MICALL2: variants seen among roughly 807,000 people sequenced by gnomAD.
The protein encoded by MICALL2 is MICAL like 2, also known as MICAL-like protein 2.
In MICALL2, 111 loss-of-function variants were observed where a neutral mutation model predicts 91.1. The observed-to-expected ratio is 1.22, with a 90% CI of 1.04 to 1.43. MICALL2 has a LOEUF of 1.43. Among genes scored for constraint, MICALL2 ranks in the 40% most tolerant of loss-of-function variants. MICALL2 has a pLI of 0.00. For synonymous variants in MICALL2, 694 were observed against 525.3 expected, an observed-to-expected ratio of 1.32 and a Z score of -4.39; for missense variants, 1,556 against 1,236.0, an observed-to-expected ratio of 1.26 and a Z score of -3.88.
chr7:1,440,431 GC>G (rs945322420), intron 8 of MICALL2, 159 bp downstream of exon 8: 2 of 694,390 alleles, frequency 2.9e-6, no homozygotes, highest in Admixed American at 2.4e-5. Context: ...AGGGACAGCG[GC>G]CCCCATGTCC....
At chr7:1,443,419 C>T (rs1427060094) in intron 6 of MICALL2, among the ~76,000 whole-genome samples, 3 of 152,164 alleles carry the variant, frequency 2.0e-5, no homozygotes, top group South Asian at 2.1e-4. Flanking sequence ...GGGCAGGAAA[C>T]GGCGTTGTCA....
At position 1,440,031 on chromosome 7, in the gene MICALL2, G is replaced by A. The variant is rs1047776502; in HGVS notation, c.1860C>T (p.Ala620=). ...RALAEPRAGE[A]PRKVSGSFAG... ...CAAAGCTGCCTGAGACCTTCCTGGG[G>A]GCCTCCCCCGCCCTCGGCTCTGCCA... Residue 620 remains alanine (A), a synonymous_variant, in exon 9 of 17, where the codon GCC becomes GCT. Transcript: ENST00000297508. 2 of 1,578,278 alleles carry A rather than the reference G, an allele frequency of 1.3e-6. No individual in the cohort carries two copies. Among genetic ancestry groups the A allele is most frequent in the East Asian group, 4.8e-5 (2 of 41,936 alleles).
chr7:1,459,360 C>A lies in MICALL2; in HGVS notation c.-34G>T. 1 of 1,456,430 alleles carries A rather than the reference C, an allele frequency of 6.9e-7. No homozygotes were observed. 90.2% of individuals were successfully genotyped at this position (1,456,430 alleles called of 1,614,324 possible). On this transcript the variant is annotated 5_prime_UTR_variant, in exon 1 of 17. Coordinates refer to ENST00000297508, the MANE Select transcript of MICALL2 (RefSeq NM_182924.4). ...CGCGCCCGCCGCGCGGCGGAACCGC[C>A]CTCCGACACCTTCCCGCGGCTGTGC...
In MICALL2 at chr7:1,434,512, G is replaced by C. The variant is rs772957776; in HGVS notation, c.*84C>G. ...AGCCCACGGCCCCGAGTACAAGTCC[G>C]GGTTCCGGGTCCGGGCCAAGCCCAT... On this transcript the variant is annotated 3_prime_UTR_variant, in exon 17 of 17. Coordinates refer to ENST00000297508, the MANE Select transcript of MICALL2 (RefSeq NM_182924.4). 8.0e-7 allele frequency: 1 copy of C among 1,245,456 alleles called. No homozygotes were observed. The highest frequency in any genetic ancestry group is 1.8e-4 in the Middle Eastern group (1 of 5,426). 77.2% of individuals were successfully genotyped at this position (1,245,456 alleles called of 1,614,324 possible). A position where few individuals can be genotyped will look rare whatever the true frequency, so the allele number is the denominator to read the frequency against.
rs999968622 is a variant in MICALL2 at position 1,446,139 on chromosome 7, G to C, written c.641+574C>G. On this transcript the variant is annotated intron_variant, in intron 5 of 16. Transcript: ENST00000297508. ...CATCTTGGGCTATCAGCAACAGAGC[G>C]GGGGGTGGGGAAGAGGGTGAGGAGG... 2.6e-3 allele frequency among the ~76,000 whole-genome samples: 309 copies of C among 118,790 alleles called. 2 individuals are homozygous for C. The highest frequency in any genetic ancestry group is 9.8e-3 in the African/African-American group (280 of 28,470). The allele number at this position is 118,790 out of a possible 152,430, so 77.9% of individuals were successfully genotyped here.
At chr7:1,442,092 G>T in intron 7 of MICALL2, 100 bp downstream of exon 7, 1 of 1,326,946 alleles carries the variant, frequency 7.5e-7, no homozygotes, top group Non-Finnish European at 1.0e-6. Context: ...GAAGGCGGGC[G>T]GGGCTGATGA....
chr7:1,440,848 CAG>C (rs1780247143), intron 7 of MICALL2, 164 bp from the exon 8 acceptor site: 2 of 619,722 alleles, frequency 3.2e-6, no homozygotes, highest in African/African-American at 1.8e-5. Flanking sequence ...GGCAGGGAGT[CAG>C]GGGAGGGGCT....
chr7:1,454,042 A>G (rs2128525766), intron 1 of MICALL2, among the ~76,000 whole-genome samples: 1 of 152,176 alleles, frequency 6.6e-6, no homozygotes, highest in South Asian at 2.1e-4. Flanking sequence ...ACTTCAGCCC[A>G]TGGAGTCCAG....
intron 15 of MICALL2, among the ~76,000 whole-genome samples, chr7:1,436,269 C>G (rs1256744229): frequency 6.6e-6 from 1 of 151,820 alleles, no homozygotes; most frequent in Non-Finnish European, 1.5e-5. Flanking sequence ...TGCGAGCTTG[C>G]TACTCAGGAG....
At position 1,437,893 on chromosome 7, in the gene MICALL2, T is replaced by G. The variant is rs1007853427; in HGVS notation, c.2399A>C (p.Tyr800Ser). The G allele has an allele frequency of 6.5e-7, 1 of 1,548,770 alleles. No individual in the cohort carries two copies. The highest frequency in any genetic ancestry group is 1.4e-5 in the African/African-American group (1 of 72,990). The change falls in exon 13 of 17, where the codon TAC (tyrosine) becomes TCC (serine). Residue 800 changes from tyrosine (Y) to serine (S), a missense_variant. By Grantham distance (144) the Tyr-to-Ser change is moderately radical. Transcript: ENST00000297508. ...GGGCCCACGGCTGGGCTCTCACTTG[T>G]ACATCAGCTCTGACTCCTGTCTCAG... ...LLLRQESELM[Y>S]KSKAQRLEEQ...
At chr7:1,435,616 G>A (rs1364320659) in intron 15 of MICALL2, among the ~76,000 whole-genome samples, 1 of 152,252 alleles carries the variant, frequency 6.6e-6, no homozygotes, top group Non-Finnish European at 1.5e-5. Flanking sequence ...CTCCCAGAGG[G>A]TCTCATAGAG....
chr7:1,438,076 GGGCCAGGCCGAGGCGCTCACCTCCCTC>G lies in MICALL2; in HGVS notation c.2305_2311+20del. 6.4e-7 allele frequency: 1 copy of G among 1,571,028 alleles called. No individual in the cohort carries two copies. Among genetic ancestry groups the G allele is most frequent in the Non-Finnish European group, 8.6e-7 (1 of 1,159,628 alleles). ...TGTCTGTGGGAGTCGGGCTGGCCCAGGGCCAGGCCGAGGCGCTCACCTCCCTCGGCCGCCCGCAGTCGCTTCTCCAGC... is the reference window on the plus strand; with the variant it reads ...TGTCTGTGGGAGTCGGGCTGGCCCAGGGCCGCCCGCAGTCGCTTCTCCAGC... On this transcript the variant is annotated splice_donor_variant and splice_donor_5th_base_variant and coding_sequence_variant and intron_variant, in exon 12 of 17. Transcript: ENST00000297508. LOFTEE classifies it high-confidence loss of function.
Position 1,445,197 on chromosome 7 carries a change from C to T in MICALL2, c.873G>A (p.Ala291=), listed in dbSNP as rs1292092392. 1.0e-5 allele frequency: 16 copies of T among 1,597,918 alleles called. No individual in the cohort carries two copies. The highest frequency in any genetic ancestry group is 3.4e-5 in the South Asian group (3 of 88,830). ...CGGAAGCCCTGGCAGGCGAGTTGCCCGCAGCAGGCTCCCAGGCCGACGGTC... is the reference window on the plus strand; with the variant it reads ...CGGAAGCCCTGGCAGGCGAGTTGCCTGCAGCAGGCTCCCAGGCCGACGGTC... ...KARPSAWEPA[A]GNSPARASVP... is the part of the protein sequence containing the mutation. The change falls in exon 6 of 17, where the codon GCG becomes GCA. Residue 291 remains alanine, a synonymous_variant. Transcript: ENST00000297508.
In MICALL2 at chr7:1,437,623, C is replaced by T. The variant is rs1200491302; in HGVS notation, c.2403-15G>A. ...GGGCCTTGGACCTGCCGCACAGACACGCGTCTGAGGCCTGACTCTGCCGCC... is the reference window on the plus strand; with the variant it reads ...GGGCCTTGGACCTGCCGCACAGACATGCGTCTGAGGCCTGACTCTGCCGCC... On this transcript the variant is annotated splice_polypyrimidine_tract_variant and intron_variant, in intron 13 of 16. Coordinates refer to ENST00000297508, the MANE Select transcript of MICALL2 (RefSeq NM_182924.4). 1.6e-5 allele frequency: 25 copies of T among 1,538,282 alleles called. No homozygotes were observed. Among genetic ancestry groups the T allele is most frequent in the Admixed American group, 2.0e-5 (1 of 50,864 alleles).
intron 6 of MICALL2, 84 bp downstream of exon 6, chr7:1,444,568 G>A (rs981554186): frequency 1.0e-4 from 136 of 1,345,120 alleles, no homozygotes; most frequent in Non-Finnish European, 1.2e-4. Flanking sequence ...GAGGTGCAGC[G>A]CCCCCAACCC....
In MICALL2 at chr7:1,443,095, G is replaced by A. The variant is rs1425536180; in HGVS notation, c.1419-611C>T. 3.9e-5 allele frequency among the ~76,000 whole-genome samples: 3 copies of A among 76,568 alleles called. No homozygotes were observed. In the Admixed American group the frequency reaches 5.5e-4, roughly 14 times the overall value. The allele number at this position is 76,568 out of a possible 152,430, so 50.2% of individuals were successfully genotyped here. A position where few individuals can be genotyped will look rare whatever the true frequency, so the allele number is the denominator to read the frequency against. ...GTGCCTCCATGTCCCCACCCCCCTC[G>A]ACAACCAGTTTCCCTCCCCCCTTTC... On this transcript the variant is annotated intron_variant, in intron 6 of 16. Transcript: ENST00000297508.
At chr7:1,439,356 T>G in intron 9 of MICALL2, 8 of 245,340 alleles carry the variant, frequency 3.3e-5, no homozygotes, top group South Asian at 1.9e-4. Flanking sequence ...ATGCATCACA[T>G]TCATGAAACA....
chr7:1,439,819 C>T, intron 9 of MICALL2, 106 bp downstream of exon 9: 5 of 1,014,678 alleles, frequency 4.9e-6, no homozygotes, highest in Middle Eastern at 3.3e-4. Context: ...GAGCGCCTCT[C>T]CGCACACCCC....
chr7:1,436,786 G>C lies in MICALL2; in HGVS notation c.2547C>G (p.Asn849Lys). The change falls in exon 15 of 17, where the codon AAC becomes AAG. Residue 849 changes from asparagine to lysine, a missense_variant. By Grantham distance (94) the Asn-to-Lys change is moderately conservative. Transcript: ENST00000297508. ...GCGAGTCCACGATGTCACTGCGGTC[G>C]TTCACGGTGCTCACGTACTGCTCCA... ...ELLEQYVSTV[N>K]DRSDIVDSLD... 2 of 1,608,786 alleles carry C rather than the reference G, an allele frequency of 1.2e-6. No individual in the cohort carries two copies. Among genetic ancestry groups the C allele is most frequent in the Non-Finnish European group, 1.7e-6 (2 of 1,178,630 alleles).
Sources: allele counts gnomAD v4.1 joint callset (sites outside exome capture counted in the v4.1 genomes callset), GRCh38; gene constraint gnomAD v4.1.1; transcripts MANE v1.5; gene names NCBI Gene and HGNC (gene_info 2026-07-23, HGNC 2026-07-21).